The following PTPRK variants were observed in gnomAD, a reference collection of about 807,000 sequenced individuals.
PTPRK encodes protein tyrosine phosphatase receptor type K.
PTPRK carries 75 observed loss-of-function variants against 178.0 expected under a neutral mutation model. The observed-to-expected ratio is 0.42, with a 90% CI of 0.35 to 0.51. The LOEUF (loss-of-function observed/expected upper bound fraction) is 0.51, where lower values mean the gene tolerates loss of function less well. PTPRK is among the 20% of genes least tolerant of loss of function. The pLI, the probability that PTPRK is intolerant of heterozygous loss-of-function variation, is 0.02. For synonymous variants in PTPRK, 637 were observed against 620.6 expected (o/e 1.03, Z -0.39); for missense variants, 1,441 against 1,797.8 (o/e 0.80, Z 3.59).
intron 2 of PTPRK, among the ~76,000 whole-genome samples, chr6:128,341,720 T>C (rs965747663): frequency 6.6e-6 from 1 of 152,228 alleles, no homozygotes; most frequent in South Asian, 2.1e-4. Context: ...ACTAATTGTA[T>C]GATTCCTTTT....
intron 3 of PTPRK, among the ~76,000 whole-genome samples, chr6:128,282,734 C>T (rs1237321882): frequency 6.6e-6 from 1 of 152,076 alleles, no homozygotes; most frequent in Non-Finnish European, 1.5e-5. Flanking sequence ...ATACCCTATC[C>T]AGCCCTATCT....
At chr6:128,300,717 G>T (rs1357453090) in intron 3 of PTPRK, among the ~76,000 whole-genome samples, 1 of 130,976 alleles carries the variant, frequency 7.6e-6, no homozygotes. Context: ...TTGTGGGGTG[G>T]GGGGAGGGGG....
chr6:128,016,563 T>C (rs1307649282), intron 13 of PTPRK, among the ~76,000 whole-genome samples: 2 of 151,900 alleles, frequency 1.3e-5, no homozygotes, highest in Non-Finnish European at 2.9e-5. Flanking sequence ...AGGTGCCATA[T>C]TTTGGGGTAA....
intron 6 of PTPRK, among the ~76,000 whole-genome samples, chr6:128,188,035 T>C (rs1037608855): frequency 6.6e-6 from 1 of 152,176 alleles, no homozygotes; most frequent in African/African-American, 2.4e-5. Flanking sequence ...GCAATATTAA[T>C]ATTCTTCATA....
intron 3 of PTPRK, among the ~76,000 whole-genome samples, chr6:128,301,617 A>T (rs1206598412): frequency 1.3e-5 from 2 of 152,184 alleles, no homozygotes; most frequent in African/African-American, 2.4e-5. Context: ...TTTTAAAATA[A>T]CATTAATTTA....
chr6:128,451,681 G>A (rs9491950), intron 1 of PTPRK, among the ~76,000 whole-genome samples: 7,272 of 151,810 alleles, frequency 0.048, 273 homozygotes, highest in African/African-American at 0.11. Flanking sequence ...GCAAAAATAC[G>A]TTTTATGCTA....
In PTPRK at chr6:128,097,251, CAG is replaced by C. The variant is rs536649780; in HGVS notation, c.1163-7261_1163-7260del. ...CTTGGACTCGAGGGATATAAAGTGA[CAG>C]AGGGTGGATGGCTCACTCAGCTCTC... On this transcript the variant is annotated intron_variant, in intron 7 of 29. Coordinates refer to ENST00000368226, the MANE Select transcript of PTPRK (RefSeq NM_002844.4). Among the ~76,000 whole-genome samples, 844 of 152,196 alleles carry C rather than the reference CAG, an allele frequency of 5.5e-3. 13 individuals are homozygous for C. Among genetic ancestry groups the C allele is most frequent in the Non-Finnish European group, 7.6e-3 (520 of 67,994 alleles).
chr6:128,020,534 T>C (rs1342485143), intron 13 of PTPRK, among the ~76,000 whole-genome samples: 1 of 152,208 alleles, frequency 6.6e-6, no homozygotes, highest in East Asian at 1.9e-4. Context: ...GTACTGTATG[T>C]AATTAAAAGG....
rs1285743375 is a variant in PTPRK, at chr6:128,031,338, TA to T, written c.2195-22071del. 2.0e-5 allele frequency among the ~76,000 whole-genome samples: 3 copies of T among 152,244 alleles called. No homozygotes were observed. The East Asian group carries it at 5.8e-4, about 29-fold the overall frequency. The stretch of plus-strand genomic sequence containing the variant: ...GGTACATTTTCTTTCAAACTGCAGC[TA>T]AAGATATACTTCCCATCCTCTGGCA... On this transcript the variant is annotated intron_variant, in intron 13 of 29. Transcript: ENST00000368226.
intron 3 of PTPRK, among the ~76,000 whole-genome samples, chr6:128,265,059 C>A (rs1013252625): frequency 1.3e-5 from 2 of 152,126 alleles, no homozygotes; most frequent in African/African-American, 4.8e-5. Context: ...TCTTTATCAG[C>A]AGCGTGAAAA....
chr6:128,315,802 T>C (rs1328898538), intron 3 of PTPRK, among the ~76,000 whole-genome samples: 1 of 152,196 alleles, frequency 6.6e-6, no homozygotes. Flanking sequence ...GCACAAAAGT[T>C]AAATTTTAGA....
rs957607740 is a variant in PTPRK at position 127,969,952 on chromosome 6, A to G, written c.*275T>C. 5 of 305,492 alleles carry G rather than the reference A, an allele frequency of 1.6e-5. No homozygotes were observed. The highest frequency in any genetic ancestry group is 8.6e-4 in the Middle Eastern group (1 of 1,164). 18.9% of individuals were successfully genotyped at this position (305,492 alleles called of 1,614,324 possible). A position where few individuals can be genotyped will look rare whatever the true frequency, so the allele number is the denominator to read the frequency against. Reference sequence around the variant, plus strand: ...AGAAAAAAGGTGGCATGTTCACTGTACAAACACCAATACGTTCTCATTTCA... The same window carrying G: ...AGAAAAAAGGTGGCATGTTCACTGTGCAAACACCAATACGTTCTCATTTCA... On this transcript the variant is annotated 3_prime_UTR_variant, in exon 30 of 30. Coordinates refer to ENST00000368226, the MANE Select transcript of PTPRK (RefSeq NM_002844.4).
intron 2 of PTPRK, among the ~76,000 whole-genome samples, chr6:128,386,357 T>C (rs1300225138): frequency 3.3e-5 from 5 of 152,098 alleles, no homozygotes; most frequent in Admixed American, 3.3e-4. Flanking sequence ...GTGGAAACAA[T>C]CGATACCTAT....
intron 7 of PTPRK, among the ~76,000 whole-genome samples, chr6:128,095,106 A>G (rs76512857): frequency 6.6e-6 from 1 of 152,078 alleles, no homozygotes; most frequent in Non-Finnish European, 1.5e-5. Context: ...AAAAAAAAAA[A>G]GAATTGAATG....
At chr6:128,491,816 C>G (rs1255653312) in intron 1 of PTPRK, 3 of 517,256 alleles carry the variant, frequency 5.8e-6, no homozygotes, top group Admixed American at 3.9e-5. Context: ...AGCAGAACAA[C>G]AGCAGCAAAA....
At chr6:128,473,864 A>G (rs982042982) in intron 1 of PTPRK, among the ~76,000 whole-genome samples, 2 of 152,066 alleles carry the variant, frequency 1.3e-5, no homozygotes, top group African/African-American at 2.4e-5. Context: ...TAGAATGAGC[A>G]TCCATTTCTA....
At chr6:128,242,368 A>G (rs902647151) in intron 4 of PTPRK, among the ~76,000 whole-genome samples, 153 bp downstream of exon 4, 1 of 152,258 alleles carries the variant, frequency 6.6e-6, no homozygotes, top group African/African-American at 2.4e-5. Context: ...CTCTAGAAAG[A>G]TATCAGTTTC....
chr6:128,224,486 C>A (rs1343980734), intron 5 of PTPRK, among the ~76,000 whole-genome samples: 2 of 152,192 alleles, frequency 1.3e-5, no homozygotes, highest in Non-Finnish European at 2.9e-5. Context: ...ATTAACCAAA[C>A]ACCTTGCCAT....
At chr6:128,096,062 T>A (rs1367328778) in intron 7 of PTPRK, among the ~76,000 whole-genome samples, 4 of 152,134 alleles carry the variant, frequency 2.6e-5, no homozygotes, top group Non-Finnish European at 5.9e-5. Context: ...CTACATGAAA[T>A]CAGGATGAAA....
Sources: gnomAD v4.1 joint callset for allele counts (sites outside exome capture counted in the v4.1 genomes callset) on GRCh38, gnomAD v4.1.1 for gene constraint, MANE v1.5 for transcripts, NCBI Gene and HGNC (gene_info 2026-07-23, HGNC 2026-07-21) for gene names.